SLC25A25: variants seen among roughly 807,000 people sequenced by gnomAD.
SLC25A25 encodes solute carrier family 25 member 25.
In SLC25A25, 32 loss-of-function variants were observed where a neutral mutation model predicts 57.7. That is an observed-to-expected ratio of 0.55 (90% confidence interval 0.42 to 0.74). SLC25A25 has a LOEUF of 0.74. Among genes scored for constraint, SLC25A25 ranks in the 30% least tolerant of loss-of-function variants. SLC25A25 has a pLI of 0.00. For missense variants in SLC25A25, 556 were observed against 701.3 expected (o/e 0.79, Z 2.34); for synonymous variants, 306 against 291.2 (o/e 1.05, Z -0.52).
intron 1 of SLC25A25, among the ~76,000 whole-genome samples, chr9:128,097,058 TAAC>T (rs1200974915): frequency 1.3e-5 from 2 of 152,272 alleles, no homozygotes; most frequent in African/African-American, 4.8e-5. Flanking sequence ...CTTTACGAGT[TAAC>T]AACAAGCGTT....
chr9:128,097,608 A>G (rs1285565725), intron 1 of SLC25A25, among the ~76,000 whole-genome samples: 2 of 152,146 alleles, frequency 1.3e-5, no homozygotes, highest in African/African-American at 4.8e-5. Flanking sequence ...CTTTACATTT[A>G]AAAAGCTTCT....
intron 1 of SLC25A25, chr9:128,098,485 A>G (rs1240306993): frequency 1.3e-6 from 2 of 1,538,178 alleles, no homozygotes; most frequent in Admixed American, 1.9e-5. Context: ...GGCTTGTCTT[A>G]TGCAAGTTTC....
At chr9:128,079,391 T>C (rs1833087993) in intron 1 of SLC25A25, among the ~76,000 whole-genome samples, 1 of 143,868 alleles carries the variant, frequency 7.0e-6, no homozygotes, top group African/African-American at 2.6e-5. Flanking sequence ...AAACCATTGA[T>C]TGAAATGCTG....
chr9:128,068,419 G>A lies in SLC25A25; in HGVS notation c.100G>A (p.Asp34Asn). Reference protein sequence around the residue: ...SSASSPASVGDPCGGAICGGP... With the variant: ...SSASSPASVGNPCGGAICGGP... Reference sequence around the variant, plus strand: ...TGCCTCATCGCCGGCGTCCGTGGGGGACCCCTGCGGCGGCGCTATCTGCGG... The same window carrying A: ...TGCCTCATCGCCGGCGTCCGTGGGGAACCCCTGCGGCGGCGCTATCTGCGG... The change falls in exon 1 of 11, where the codon GAC (aspartate) becomes AAC (asparagine). Residue 34 changes from aspartate (D) to asparagine (N), a missense_variant. Physicochemically the swap from Asp to Asn is conservative, Grantham distance 23 (BLOSUM62 1). Coordinates refer to ENST00000373069, the MANE Select transcript of SLC25A25 (RefSeq NM_001330988.2). 1 of 1,559,138 alleles carries A rather than the reference G, an allele frequency of 6.4e-7. No homozygotes were observed. Among genetic ancestry groups the A allele is most frequent in the African/African-American group, 1.4e-5 (1 of 70,790 alleles).
intron 1 of SLC25A25, among the ~76,000 whole-genome samples, chr9:128,100,662 A>G (rs1280212439): frequency 6.6e-6 from 1 of 152,218 alleles, no homozygotes; most frequent in Non-Finnish European, 1.5e-5. Flanking sequence ...CTCCATGGCC[A>G]TCCCCAAGTC....
Position 128,105,884 on chromosome 9 carries a change from G to A in SLC25A25, c.936+3G>A, listed in dbSNP as rs1379175447. ...TCAAATTCATGGCCTATGAGCAGGT[G>A]AGGACCCAGCTCCTCAGGAGGGTCA... On this transcript the variant is annotated splice_donor_region_variant and intron_variant, in intron 7 of 10. Transcript: ENST00000373069. 1.2e-6 allele frequency: 2 copies of A among 1,613,672 alleles called. No individual in the cohort carries two copies. Among genetic ancestry groups the A allele is most frequent in the Non-Finnish European group, 1.7e-6 (2 of 1,179,752 alleles).
intron 6 of SLC25A25, among the ~76,000 whole-genome samples, chr9:128,105,229 G>A (rs1264518847): frequency 5.5e-5 from 8 of 145,822 alleles, no homozygotes; most frequent in Non-Finnish European, 1.2e-4. Context: ...GGAGTACAGG[G>A]GCGCGATCTT....
At position 128,099,456 on chromosome 9, in the gene SLC25A25, A is replaced by G; in HGVS notation, c.262-1640A>G. ...AGGGAGGCATGTGGCTCACCCTGGCAGCAGGCGGCTGGGTCCCAGAGGGCT... is the reference window on the plus strand; with the variant it reads ...AGGGAGGCATGTGGCTCACCCTGGCGGCAGGCGGCTGGGTCCCAGAGGGCT... On this transcript the variant is annotated intron_variant, in intron 1 of 10. Coordinates refer to ENST00000373069, the MANE Select transcript of SLC25A25 (RefSeq NM_001330988.2). This position sits in a 1 kb window ranked among gnomAD's most constrained non-coding sequence, Gnocchi z 6.8. The G allele has an allele frequency of 8.9e-7, 1 of 1,125,120 alleles. No individual in the cohort carries two copies. The highest frequency in any genetic ancestry group is 1.7e-5 in the South Asian group (1 of 59,838). The allele number at this position is 1,125,120 out of a possible 1,614,324, so 69.7% of individuals were successfully genotyped here.
rs1833677806 is a variant in SLC25A25 at position 128,099,036 on chromosome 9, G to T, written c.262-2060G>T. The T allele has an allele frequency of 1.0e-6, 1 of 985,424 alleles. No homozygotes were observed. The highest frequency in any genetic ancestry group is 1.7e-5 in the African/African-American group (1 of 57,360). The allele number at this position is 985,424 out of a possible 1,614,324, so 61.0% of individuals were successfully genotyped here. The stretch of plus-strand genomic sequence containing the variant: ...GTACAGAGCCAGAAAGGGACCTGGG[G>T]GGCAGGCCAGTAGTGCATGGGAGGA... On this transcript the variant is annotated intron_variant, in intron 1 of 10. Coordinates refer to ENST00000373069, the MANE Select transcript of SLC25A25 (RefSeq NM_001330988.2). This position sits in a 1 kb window ranked among gnomAD's most constrained non-coding sequence, Gnocchi z 6.8.
At position 128,101,282 on chromosome 9, in the gene SLC25A25, T is replaced by G. The variant is rs1564191728; in HGVS notation, c.389-27T>G. The G allele has an allele frequency of 6.2e-7, 1 of 1,614,254 alleles. No individual in the cohort carries two copies. The highest frequency in any genetic ancestry group is 2.2e-5 in the East Asian group (1 of 44,882). ...CCTCGGGCCTCCCCGTGCGCCTGGC[T>G]CCTGCTCACGGCCTCTGTTCTTGCA... On this transcript the variant is annotated intron_variant, in intron 2 of 10. Transcript: ENST00000373069. The surrounding 1 kb of genome is among the most constrained non-coding windows in gnomAD (Gnocchi z 4.9).
chr9:128,104,822 AT>A (rs200368248), intron 6 of SLC25A25, among the ~76,000 whole-genome samples: 2 of 134,908 alleles, frequency 1.5e-5, no homozygotes, highest in African/African-American at 2.8e-5. Context: ...AAAAACTTTG[AT>A]TTTTAAAAAT....
chr9:128,075,798 C>A (rs1211759048), intron 1 of SLC25A25, among the ~76,000 whole-genome samples: 1 of 151,858 alleles, frequency 6.6e-6, no homozygotes, highest in African/African-American at 2.4e-5. Flanking sequence ...GAGCCGAGAT[C>A]GCGCCACTGC....
At chr9:128,105,141 G>C (rs1238166133) in intron 6 of SLC25A25, among the ~76,000 whole-genome samples, 1 of 133,886 alleles carries the variant, frequency 7.5e-6, no homozygotes, top group African/African-American at 2.8e-5. Context: ...TTACAGATGT[G>C]AGCCAACACT....
Position 128,101,054 on chromosome 9 carries a change from G to A in SLC25A25, c.262-42G>A. 3 of 1,612,364 alleles carry A rather than the reference G, an allele frequency of 1.9e-6. No individual in the cohort carries two copies. Among genetic ancestry groups the A allele is most frequent in the Non-Finnish European group, 2.5e-6 (3 of 1,179,438 alleles). ...GCCCCACAAGGGACAAGGAAAGGCT[G>A]GTCCAGGAGCCAAAAGACAAAATGT... is the stretch of plus-strand genomic sequence containing the variant. On this transcript the variant is annotated intron_variant, in intron 1 of 10. Coordinates refer to ENST00000373069, the MANE Select transcript of SLC25A25 (RefSeq NM_001330988.2). The surrounding 1 kb of genome is among the most constrained non-coding windows in gnomAD (Gnocchi z 4.9).
chr9:128,077,113 A>G (rs762260388), intron 1 of SLC25A25, among the ~76,000 whole-genome samples: 5 of 152,234 alleles, frequency 3.3e-5, no homozygotes, highest in Non-Finnish European at 7.3e-5. Context: ...TGCTAAAAAC[A>G]GGTATCATCA....
chr9:128,080,349 C>CAAAAAA (rs775059465), intron 1 of SLC25A25, among the ~76,000 whole-genome samples: 1 of 108,654 alleles, frequency 9.2e-6, no homozygotes, highest in Non-Finnish European at 1.9e-5. Context: ...GACTCCATCC[C>CAAAAAA]AAAAAAAAAA....
intron 1 of SLC25A25, among the ~76,000 whole-genome samples, chr9:128,069,861 C>CCCG (rs1832862583): frequency 6.7e-6 from 1 of 149,716 alleles, no homozygotes. Context: ...AAGAGATTCT[C>CCCG]CCGCCTCAGC....
At chr9:128,074,673 C>T (rs536266282) in intron 1 of SLC25A25, among the ~76,000 whole-genome samples, 10 of 152,184 alleles carry the variant, frequency 6.6e-5, no homozygotes, top group African/African-American at 1.7e-4. Flanking sequence ...CGTGCCAACA[C>T]GGGCCTGGCC....
chr9:128,085,778 C>T (rs1588760615), intron 1 of SLC25A25, among the ~76,000 whole-genome samples: 1 of 152,140 alleles, frequency 6.6e-6, no homozygotes, highest in East Asian at 1.9e-4. Context: ...ATTCAAAATA[C>T]TTTCTAATTT....
Sources: gnomAD v4.1 joint callset for allele counts (sites outside exome capture counted in the v4.1 genomes callset) on GRCh38, gnomAD v4.1.1 for gene constraint, Gnocchi (gnomAD v3.1) non-coding constraint, MANE v1.5 for transcripts, NCBI Gene and HGNC (gene_info 2026-07-23, HGNC 2026-07-21) for gene names.